Variants in JADE3 observed in about 807,000 individuals in gnomAD.
JADE3 encodes jade family PHD finger 3, also known as protein Jade-3.
A neutral mutation model predicts 50.1 loss-of-function variants in JADE3; 2 were observed. That is an observed-to-expected ratio of 0.04 (90% CI 0.02 to 0.13). The LOEUF (loss-of-function observed/expected upper bound fraction) is 0.13, where lower values mean the gene tolerates loss of function less well. Among genes scored for constraint, JADE3 ranks in the 10% least tolerant of loss-of-function variants. The pLI is 1.00. For missense variants in JADE3, 475 were observed against 634.4 expected, an observed-to-expected ratio of 0.75 and a Z score of 2.70; for synonymous variants, 218 against 232.9, an observed-to-expected ratio of 0.94 and a Z score of 0.58.
chrX:46,977,022 A>T (rs1040305214), intron 1 of JADE3, among the ~76,000 whole-genome samples: 11 of 111,884 alleles, frequency 9.8e-5, no homozygotes, highest in East Asian at 5.6e-4. Flanking sequence ...TCTTAAAAAA[A>T]TTTTTTTGAC....
chrX:46,964,087 T>C (rs1253895839), intron 1 of JADE3, among the ~76,000 whole-genome samples: 1 of 112,445 alleles, frequency 8.9e-6, no homozygotes, highest in Non-Finnish European at 1.9e-5. Context: ...ATGACCCTGA[T>C]GATGGTCCTC....
At chrX:46,916,861 C>T (rs1009417132) in intron 1 of JADE3, among the ~76,000 whole-genome samples, 5 of 111,419 alleles carry the variant, frequency 4.5e-5, no homozygotes, top group African/African-American at 1.6e-4. Flanking sequence ...GATGGGAGCA[C>T]CATCCTGGTT....
intron 4 of JADE3, among the ~76,000 whole-genome samples, chrX:47,015,907 G>A (rs1928665069): frequency 9.1e-6 from 1 of 109,348 alleles, no homozygotes; most frequent in Admixed American, 9.8e-5. Flanking sequence ...TTAATACAAT[G>A]AAGTCTTTAT....
chrX:46,999,221 C>T (rs181822145), intron 4 of JADE3, among the ~76,000 whole-genome samples: 27 of 109,002 alleles, frequency 2.5e-4, no homozygotes, highest in African/African-American at 8.7e-4. Flanking sequence ...GGAACTCATT[C>T]CCACAAGAAC....
chrX:47,014,647 A>G (rs1411930642), intron 4 of JADE3, among the ~76,000 whole-genome samples: 1 of 111,286 alleles, frequency 9.0e-6, no homozygotes, highest in African/African-American at 3.3e-5. Flanking sequence ...TTTTTGTGTA[A>G]ATTTTTGAAA....
intron 5 of JADE3, 39 bp from the exon 6 acceptor site, chrX:47,027,853 T>A: frequency 8.8e-7 from 1 of 1,130,370 alleles, no homozygotes; most frequent in Non-Finnish European, 1.2e-6. Flanking sequence ...GAATGACAGC[T>A]GACTGATGGG....
intron 3 of JADE3, among the ~76,000 whole-genome samples, chrX:46,991,067 T>TCCCCCC (rs1927989923): frequency 4.5e-3 from 1 of 221 alleles, no homozygotes; most frequent in African/African-American, 8.0e-3. Context: ...CCTCACTCCC[T>TCCCCCC]CCCTCCCCCC....
intron 3 of JADE3, among the ~76,000 whole-genome samples, chrX:46,991,552 A>G (rs1474581311): frequency 3.6e-5 from 4 of 111,594 alleles, no homozygotes; most frequent in Non-Finnish European, 7.5e-5. Flanking sequence ...GTACGTTTTC[A>G]GTTGTCTTGA....
intron 9 of JADE3, 144 bp from the exon 10 acceptor site, chrX:47,055,938 T>C (rs1929623731): frequency 2.5e-6 from 1 of 403,182 alleles, no homozygotes; most frequent in Non-Finnish European, 4.5e-6. Context: ...TCCTGTGGAG[T>C]GGGTCTCATT....
intron 1 of JADE3, among the ~76,000 whole-genome samples, chrX:46,948,976 C>T (rs1926943307): frequency 9.0e-6 from 1 of 111,314 alleles, no homozygotes; most frequent in African/African-American, 3.3e-5. Flanking sequence ...CTTTGTCACC[C>T]AGACTGGAAT....
chrX:46,977,715 G>A (rs1927656796), intron 1 of JADE3, among the ~76,000 whole-genome samples: 1 of 111,826 alleles, frequency 8.9e-6, no homozygotes, highest in African/African-American at 3.2e-5. Flanking sequence ...AGTGTTCTCA[G>A]GAGAAACCTG....
chrX:46,956,093 C>G (rs904095254), intron 1 of JADE3, among the ~76,000 whole-genome samples: 6 of 111,338 alleles, frequency 5.4e-5, no homozygotes, highest in African/African-American at 2.0e-4. Flanking sequence ...GAGACAGAGT[C>G]TCGCTCTGTT....
intron 3 of JADE3, among the ~76,000 whole-genome samples, chrX:46,987,410 T>C (rs1242198030): frequency 8.9e-6 from 1 of 112,046 alleles, no homozygotes; most frequent in East Asian, 2.8e-4. Flanking sequence ...TGACATCCCA[T>C]CATGTTTGCC....
chrX:47,042,026 C>T (rs1210419526), intron 8 of JADE3, among the ~76,000 whole-genome samples: 2 of 108,580 alleles, frequency 1.8e-5, no homozygotes, highest in Admixed American at 2.0e-4. Flanking sequence ...CAGAGCCTTG[C>T]TTTGTCACTT....
At chrX:47,026,424 C>T (rs782205727) in intron 5 of JADE3, among the ~76,000 whole-genome samples, 80 of 111,656 alleles carry the variant, frequency 7.2e-4, no homozygotes, top group Non-Finnish European at 1.3e-3. Context: ...TACCATGGTA[C>T]ATATGTCAAA....
chrX:46,921,570 C>T (rs1165708469), intron 1 of JADE3, among the ~76,000 whole-genome samples: 10 of 111,811 alleles, frequency 8.9e-5, no homozygotes, highest in Admixed American at 9.5e-5. Context: ...CCAACGTGCA[C>T]GATTGGCCCT....
chrX:47,004,585 A>T (rs1448580980), intron 4 of JADE3, among the ~76,000 whole-genome samples: 4 of 111,793 alleles, frequency 3.6e-5, no homozygotes, highest in African/African-American at 1.3e-4. Context: ...CTGTGCCGCC[A>T]TATGCGGCTA....
At chrX:46,976,505 T>G (rs1927630070) in intron 1 of JADE3, among the ~76,000 whole-genome samples, 1 of 112,243 alleles carries the variant, frequency 8.9e-6, no homozygotes, top group African/African-American at 3.2e-5. Context: ...TGCCATCAAA[T>G]TACTGTTCCC....
chrX:46,960,241 A>AC (rs1300919107), intron 1 of JADE3, among the ~76,000 whole-genome samples: 3,117 of 105,362 alleles, frequency 0.03, 38 homozygotes, highest in Non-Finnish European at 0.043. Context: ...CTGTGCAACA[A>AC]AAAAAAAAAA....
Sources: gnomAD v4.1 joint callset for allele counts (sites outside exome capture counted in the v4.1 genomes callset) on GRCh38, gnomAD v4.1.1 for gene constraint, MANE v1.5 for transcripts, NCBI Gene and HGNC (gene_info 2026-07-23, HGNC 2026-07-21) for gene names.